ZNF469: variants seen among roughly 807,000 people sequenced by gnomAD.
ZNF469 encodes zinc finger protein 469.
In ZNF469, 1 loss-of-function variant was observed where a neutral mutation model predicts 1.0. The observed-to-expected ratio is 1.00, with a 90% CI of 0.35 to 4.73. The LOEUF (loss-of-function observed/expected upper bound fraction) is 4.73, where lower values mean the gene tolerates loss of function less well. Among genes scored for constraint, ZNF469 ranks in the 30% most tolerant of loss-of-function variants. ZNF469 has a pLI of 0.16. For missense variants in ZNF469, 6,100 were observed against 5,356.3 expected (o/e 1.14, Z -4.33); for synonymous variants, 2,703 against 2,363.4 (o/e 1.14, Z -4.17).
the ZNF469 span, among the ~76,000 whole-genome samples, chr16:88,329,221 G>C: frequency 6.6e-6 from 1 of 152,154 alleles, no homozygotes; most frequent in Non-Finnish European, 1.5e-5. Flanking sequence ...CTGGGCAGGT[G>C]GTGAAGGGGC....
At chr16:88,415,259 G>A (rs77653486) in intron 1 of ZNF469, among the ~76,000 whole-genome samples, 2,875 of 152,198 alleles carry the variant, frequency 0.019, 93 homozygotes, top group African/African-American at 0.065. Context: ...ACAGCTGAGC[G>A]AGGTCCTGGA....
At chr16:88,214,169 G>A in the ZNF469 span, among the ~76,000 whole-genome samples, 1 of 152,166 alleles carries the variant, frequency 6.6e-6, no homozygotes, top group Non-Finnish European at 1.5e-5. Flanking sequence ...ATTAATACAA[G>A]GGAAAGCTAC....
the ZNF469 span, among the ~76,000 whole-genome samples, chr16:88,214,007 T>G: frequency 2.5e-3 from 384 of 152,300 alleles, 3 homozygotes; most frequent in African/African-American, 8.3e-3. Context: ...TGCTGATCTG[T>G]GTGATTTTTA....
At chr16:88,190,317 T>C in the ZNF469 span, among the ~76,000 whole-genome samples, 3 of 152,258 alleles carry the variant, frequency 2.0e-5, no homozygotes, top group African/African-American at 7.2e-5. Context: ...CCCTTGGCAC[T>C]TGCCTGGGTA....
intron 1 of ZNF469, among the ~76,000 whole-genome samples, chr16:88,391,941 A>G (rs916099621): frequency 1.3e-5 from 2 of 152,234 alleles, no homozygotes; most frequent in African/African-American, 4.8e-5. Context: ...TAATCTAAAG[A>G]TATGATGTAT....
the ZNF469 span, among the ~76,000 whole-genome samples, chr16:88,145,354 C>G: frequency 1.8e-4 from 28 of 152,326 alleles, no homozygotes; most frequent in South Asian, 5.2e-3. Flanking sequence ...CTCGTGCTAT[C>G]TCTGCTCCCC....
chr16:88,143,633 G>A, the ZNF469 span, among the ~76,000 whole-genome samples: 1 of 152,274 alleles, frequency 6.6e-6, no homozygotes, highest in Admixed American at 6.5e-5. Context: ...TCAGACACGG[G>A]TGAAAATGCT....
At chr16:88,217,237 G>A in the ZNF469 span, among the ~76,000 whole-genome samples, 3 of 152,054 alleles carry the variant, frequency 2.0e-5, no homozygotes, top group East Asian at 5.8e-4. Context: ...CTTGTGCTAG[G>A]ATGAGACAGT....
At chr16:88,355,192 C>A in the ZNF469 span, among the ~76,000 whole-genome samples, 1 of 152,214 alleles carries the variant, frequency 6.6e-6, no homozygotes, top group Non-Finnish European at 1.5e-5. Flanking sequence ...GAGACTATCA[C>A]GCCCCCTCCC....
chr16:88,224,725 C>T, the ZNF469 span, among the ~76,000 whole-genome samples: 1 of 152,142 alleles, frequency 6.6e-6, no homozygotes, highest in Non-Finnish European at 1.5e-5. Flanking sequence ...ATGTGTGTCT[C>T]TGTGTAAGTA....
chr16:88,327,525 T>G, the ZNF469 span, among the ~76,000 whole-genome samples: 11 of 151,848 alleles, frequency 7.2e-5, no homozygotes, highest in Non-Finnish European at 1.5e-4. Context: ...GCCAGGCCTG[T>G]GCCATCCTCA....
At position 88,431,706 on chromosome 16, in the gene ZNF469, C is replaced by A. The variant is rs1906196425; in HGVS notation, c.4236C>A (p.Ser1412Arg). The A allele has an allele frequency of 6.5e-7, 1 of 1,550,292 alleles. No individual in the cohort carries two copies. Among genetic ancestry groups the A allele is most frequent in the Admixed American group, 2.0e-5 (1 of 50,998 alleles). ...PSARDAPPAS[S>R]SCLCQDGEDA... ...CCAGGGATGCCCCGCCGGCCAGCAGCTCCTGCCTTTGCCAGGACGGCGAGG... is the reference window on the plus strand; with the variant it reads ...CCAGGGATGCCCCGCCGGCCAGCAGATCCTGCCTTTGCCAGGACGGCGAGG... Residue 1412 changes from serine (S) to arginine (R), a missense_variant, in exon 3 of 3, where the codon AGC (serine) becomes AGA (arginine). By Grantham distance (110) the Ser-to-Arg change is moderately radical. Transcript: ENST00000565624.
chr16:88,287,036 C>T, the ZNF469 span, among the ~76,000 whole-genome samples: 2 of 152,124 alleles, frequency 1.3e-5, no homozygotes, highest in African/African-American at 4.8e-5. Context: ...TACAGTTCTA[C>T]CCTATAACTA....
the ZNF469 span, among the ~76,000 whole-genome samples, chr16:88,215,098 G>T: frequency 4.6e-5 from 7 of 152,050 alleles, no homozygotes; most frequent in Non-Finnish European, 8.8e-5. Context: ...CTATAATTCT[G>T]TCAGGCATGT....
the ZNF469 span, among the ~76,000 whole-genome samples, chr16:88,262,064 G>A: frequency 2.0e-5 from 3 of 152,288 alleles, no homozygotes; most frequent in South Asian, 4.2e-4. This position sits in a 1 kb window ranked among gnomAD's most constrained non-coding sequence, Gnocchi z 4.3. Flanking sequence ...GCCGATCTAC[G>A]AGTGACAACC....
the ZNF469 span, among the ~76,000 whole-genome samples, chr16:88,144,226 G>C: frequency 3.3e-5 from 5 of 152,332 alleles, no homozygotes; most frequent in Admixed American, 2.6e-4. Flanking sequence ...AGGGCGGGGG[G>C]CGTCTCTCTG....
Position 88,430,621 on chromosome 16 carries a change from A to G in ZNF469, c.3151A>G (p.Ile1051Val). The stretch of plus-strand genomic sequence containing the variant: ...GGGCGGCGCCTGGGGCAAGGAGCTC[A>G]TTCTGAAGATCGTGCAGCAGAAGAA... ...ARGGAWGKELILKIVQQKNRR... is the reference protein window; with the variant it reads ...ARGGAWGKELVLKIVQQKNRR... The change falls in exon 3 of 3, where the codon ATT (isoleucine) becomes GTT (valine). Residue 1051 changes from isoleucine to valine, a missense_variant. Ile to Val is a conservative substitution (Grantham distance 29, BLOSUM62 3). Transcript: ENST00000565624. 6.7e-7 allele frequency: 1 copy of G among 1,502,362 alleles called. No homozygotes were observed. The highest frequency in any genetic ancestry group is 1.4e-5 in the African/African-American group (1 of 69,214). The allele number at this position is 1,502,362 out of a possible 1,614,324, so 93.1% of individuals were successfully genotyped here. A position where few individuals can be genotyped will look rare whatever the true frequency, so the allele number is the denominator to read the frequency against.
chr16:88,231,371 G>GCTGGGGTGGGA, the ZNF469 span, among the ~76,000 whole-genome samples: 2 of 152,236 alleles, frequency 1.3e-5, no homozygotes, highest in Non-Finnish European at 2.9e-5. The surrounding 1 kb of genome is among the most constrained non-coding windows in gnomAD (Gnocchi z 4.5). Flanking sequence ...AAGCCTGAAG[G>GCTGGGGTGGGA]CTGGGGTGGG....
In ZNF469 at chr16:88,428,226, C is replaced by A. The variant is rs767535517; in HGVS notation, c.756C>A (p.Pro252=). 4 of 1,550,216 alleles carry A rather than the reference C, an allele frequency of 2.6e-6. No individual in the cohort carries two copies. The South Asian group carries it at 3.6e-5, about 14-fold the overall frequency. The change falls in exon 3 of 3, where the codon CCC becomes CCA. Residue 252 remains proline, a synonymous_variant. Coordinates refer to ENST00000565624, the MANE Select transcript of ZNF469 (RefSeq NM_001367624.2). ...SFPGANFGVP[P]AEPEPIPKGS... is the part of the protein sequence containing the mutation. ...CAGGTGCTAATTTCGGGGTTCCCCC[C>A]GCCGAGCCGGAACCTATTCCCAAAG...
Sources: allele counts gnomAD v4.1 joint callset (sites outside exome capture counted in the v4.1 genomes callset), GRCh38; gene constraint gnomAD v4.1.1; non-coding constraint Gnocchi (gnomAD v3.1); transcripts MANE v1.5; gene names NCBI Gene and HGNC (gene_info 2026-07-23, HGNC 2026-07-21).